Variants in RIMS2 observed in about 807,000 individuals in gnomAD.
The protein encoded by RIMS2 is regulating synaptic membrane exocytosis 2.
A neutral mutation model predicts 174.4 loss-of-function variants in RIMS2; 59 were observed. That is an observed-to-expected ratio of 0.34 (90% CI 0.27 to 0.42). RIMS2 has a LOEUF of 0.42. Among genes scored for constraint, RIMS2 ranks in the 10% least tolerant of loss-of-function variants. The pLI, the probability that RIMS2 is intolerant of heterozygous loss-of-function variation, is 1.00. For missense variants in RIMS2, 1,620 were observed against 1,666.3 expected (o/e 0.97, Z 0.48); for synonymous variants, 606 against 572.5 (o/e 1.06, Z -0.84).
At chr8:103,889,692 CT>C (rs1471639739) in intron 4 of RIMS2, among the ~76,000 whole-genome samples, 1 of 151,616 alleles carries the variant, frequency 6.6e-6, no homozygotes, top group Non-Finnish European at 1.5e-5. Context: ...CTTCTTCTAT[CT>C]TTAGCCTTAT....
rs115751120 is a variant in RIMS2 at position 104,241,402 on chromosome 8, A to T, written c.3335-3514A>T. ...TAAGAAGCAACCTGTAAACAAAAAA[A>T]TTACATGCTTATCATATTATTCTTT... On this transcript the variant is annotated intron_variant, in intron 19 of 23. Coordinates refer to ENST00000504942, the Ensembl canonical transcript of RIMS2. 4.5e-3 allele frequency among the ~76,000 whole-genome samples: 690 copies of T among 152,310 alleles called. 9 individuals are homozygous for T. The highest frequency in any genetic ancestry group is 0.016 in the African/African-American group (648 of 41,560).
intron 1 of RIMS2, among the ~76,000 whole-genome samples, 199 bp from the exon 2 acceptor site, chr8:103,652,006 T>TAAATA (rs2096460279): frequency 6.6e-6 from 1 of 152,264 alleles, no homozygotes; most frequent in Admixed American, 6.5e-5. Flanking sequence ...TAATATTAGT[T>TAAATA]TTCTGTTAAG....
At chr8:103,625,742 A>G (rs1189756344) in intron 1 of RIMS2, among the ~76,000 whole-genome samples, 1 of 152,156 alleles carries the variant, frequency 6.6e-6, no homozygotes, top group Non-Finnish European at 1.5e-5. Flanking sequence ...GAATGCAGGC[A>G]GGTCTGACAT....
chr8:103,852,919 C>G (rs189142741), intron 3 of RIMS2, among the ~76,000 whole-genome samples: 13 of 151,886 alleles, frequency 8.6e-5, no homozygotes, highest in East Asian at 3.9e-4. Flanking sequence ...GGTTATATAC[C>G]CAGTAATCAC....
chr8:104,090,930 T>G (rs919592948), intron 19 of RIMS2, among the ~76,000 whole-genome samples: 1 of 151,896 alleles, frequency 6.6e-6, no homozygotes, highest in Non-Finnish European at 1.5e-5. Context: ...GAAATTTACA[T>G]AAGCCAGTCT....
chr8:103,759,066 G>A (rs2098072721), intron 2 of RIMS2, among the ~76,000 whole-genome samples: 1 of 152,142 alleles, frequency 6.6e-6, no homozygotes. Flanking sequence ...AGACAGGTGA[G>A]GCCAGTAGAT....
exon 3 of RIMS2, chr8:103,766,412 A>G: frequency 6.2e-7 from 1 of 1,613,762 alleles, no homozygotes; most frequent in East Asian, 2.2e-5. Context: ...AGTTCCAAGG[A>G]CCCTCAGGTG....
intron 1 of RIMS2, among the ~76,000 whole-genome samples, chr8:103,669,865 G>A (rs909633409): frequency 1.3e-5 from 2 of 152,238 alleles, no homozygotes; most frequent in Non-Finnish European, 2.9e-5. Context: ...AGTGCAAGCT[G>A]TCAGTGGATC....
chr8:103,883,594 A>G (rs1332836726), intron 3 of RIMS2, among the ~76,000 whole-genome samples: 1 of 151,880 alleles, frequency 6.6e-6, no homozygotes, highest in Non-Finnish European at 1.5e-5. Flanking sequence ...TGTAAATGCT[A>G]AAAAATATCA....
At chr8:103,505,458 T>C (rs1422923572) in intron 1 of RIMS2, among the ~76,000 whole-genome samples, 1 of 152,174 alleles carries the variant, frequency 6.6e-6, no homozygotes, top group African/African-American at 2.4e-5. Flanking sequence ...TTTTAATGAA[T>C]ATTCTGTAAT....
intron 1 of RIMS2, among the ~76,000 whole-genome samples, chr8:103,617,391 C>T (rs2095530269): frequency 6.6e-6 from 1 of 152,074 alleles, no homozygotes; most frequent in African/African-American, 2.4e-5. Context: ...AATGTGAAAC[C>T]CAAAACTATA....
At chr8:104,224,049 T>C (rs941613729) in intron 19 of RIMS2, among the ~76,000 whole-genome samples, 1 of 152,182 alleles carries the variant, frequency 6.6e-6, no homozygotes, top group Non-Finnish European at 1.5e-5. Flanking sequence ...GCTTGGAAGT[T>C]GAAAGAGAAT....
chr8:103,582,682 A>G (rs547376479), intron 1 of RIMS2, among the ~76,000 whole-genome samples: 1 of 152,290 alleles, frequency 6.6e-6, no homozygotes, highest in South Asian at 2.1e-4. Flanking sequence ...AATAATGGCT[A>G]CAGAATGAGG....
At chr8:104,012,367 TTA>T (rs2095791396) in intron 17 of RIMS2, among the ~76,000 whole-genome samples, 1 of 151,258 alleles carries the variant, frequency 6.6e-6, no homozygotes. Flanking sequence ...TTTTTTTTTT[TTA>T]AATTACTTGC....
chr8:104,198,665 G>A (rs921716630), intron 19 of RIMS2, among the ~76,000 whole-genome samples: 2 of 152,212 alleles, frequency 1.3e-5, no homozygotes, highest in Admixed American at 6.5e-5. Context: ...AGATCCAGGA[G>A]AGCTGATTTT....
rs140238598 is a variant in RIMS2 at position 103,759,873 on chromosome 8, T to C, written c.388-6354T>C. Among the ~76,000 whole-genome samples the C allele has an allele frequency of 2.6e-5, 4 of 152,240 alleles. No individual in the cohort carries two copies. In the East Asian group the frequency reaches 7.7e-4, roughly 29 times the overall value. On this transcript the variant is annotated intron_variant, in intron 2 of 23. Transcript: ENST00000504942. ...AAGTTGAGAAGAATCAGACTATCGA[T>C]TGGATGAGCTGCAGGTTGTGTAGCA...
At chr8:103,573,864 G>C (rs1003704204) in intron 1 of RIMS2, among the ~76,000 whole-genome samples, 1 of 152,066 alleles carries the variant, frequency 6.6e-6, no homozygotes, top group Non-Finnish European at 1.5e-5. Context: ...CCATTTGTTT[G>C]TGTCCTCTGT....
At chr8:103,939,387 C>T (rs4734737) in intron 13 of RIMS2, among the ~76,000 whole-genome samples, 104,735 of 152,114 alleles carry the variant, frequency 0.69, 36,989 homozygotes, top group African/African-American at 0.77. Context: ...TTGGCTCCTT[C>T]TTGTCACAGC....
intron 3 of RIMS2, among the ~76,000 whole-genome samples, chr8:103,787,368 G>A (rs543408577): frequency 1.4e-4 from 21 of 151,666 alleles, no homozygotes; most frequent in African/African-American, 4.1e-4. Context: ...TCCTAGTCTC[G>A]ATGGTCTTTA....
Sources: gnomAD v4.1 joint callset for allele counts (sites outside exome capture counted in the v4.1 genomes callset) on GRCh38, gnomAD v4.1.1 for gene constraint, MANE v1.5 for transcripts, NCBI Gene and HGNC (gene_info 2026-07-23, HGNC 2026-07-21) for gene names.